Variants in SNX29 observed in about 807,000 individuals in gnomAD.
SNX29 encodes sorting nexin-29.
A neutral mutation model predicts 102.1 loss-of-function variants in SNX29; 78 were observed. The observed-to-expected ratio is 0.76, with a 90% CI of 0.64 to 0.92. The LOEUF (loss-of-function observed/expected upper bound fraction) is 0.92, where lower values mean the gene tolerates loss of function less well. Among genes scored for constraint, SNX29 ranks in the 40% least tolerant of loss-of-function variants. The probability of loss-of-function intolerance (pLI) is 0.00; values close to 1 mark genes in which losing one functional copy is unlikely to be tolerated. For missense variants in SNX29, 1,280 were observed against 1,061.7 expected (o/e 1.21, Z -2.86); for synonymous variants, 580 against 414.5 (o/e 1.40, Z -4.85).
At chr16:12,503,497 T>C (rs2089223879) in intron 19 of SNX29, among the ~76,000 whole-genome samples, 1 of 151,966 alleles carries the variant, frequency 6.6e-6, no homozygotes, top group Non-Finnish European at 1.5e-5. Flanking sequence ...ACCAGAACAA[T>C]AAGTGGGGGA....
chr16:12,496,317 T>C (rs572562429), intron 19 of SNX29, among the ~76,000 whole-genome samples: 75 of 152,188 alleles, frequency 4.9e-4, no homozygotes, highest in Middle Eastern at 3.4e-3. Flanking sequence ...TGATGATAAG[T>C]ACGATAAACC....
At chr16:12,274,179 C>G (rs1452878783) in intron 14 of SNX29, among the ~76,000 whole-genome samples, 1 of 152,190 alleles carries the variant, frequency 6.6e-6, no homozygotes, top group Non-Finnish European at 1.5e-5. Flanking sequence ...CGTGGCTTGC[C>G]TGGGTGTATA....
intron 15 of SNX29, among the ~76,000 whole-genome samples, chr16:12,338,859 A>G (rs1229543089): frequency 6.6e-6 from 1 of 152,220 alleles, no homozygotes; most frequent in Non-Finnish European, 1.5e-5. Flanking sequence ...GTTGAAAGAA[A>G]CATGTTTAAC....
chr16:11,985,096 A>G (rs1305553650), intron 1 of SNX29, among the ~76,000 whole-genome samples: 2 of 151,156 alleles, frequency 1.3e-5, no homozygotes, highest in Non-Finnish European at 2.9e-5. Context: ...ATCACTTTTG[A>G]TTCCTTTTTT....
chr16:12,282,796 C>T (rs1457546827), intron 15 of SNX29, among the ~76,000 whole-genome samples: 2 of 152,214 alleles, frequency 1.3e-5, no homozygotes, highest in Non-Finnish European at 2.9e-5. Context: ...GCTGGAATTA[C>T]AGGTGCCCAC....
At chr16:12,230,529 A>G (rs2077736908) in intron 14 of SNX29, among the ~76,000 whole-genome samples, 1 of 152,236 alleles carries the variant, frequency 6.6e-6, no homozygotes, top group African/African-American at 2.4e-5. Flanking sequence ...TCTTGCCTAA[A>G]TACTGGAAGG....
intron 15 of SNX29, among the ~76,000 whole-genome samples, chr16:12,315,468 C>A (rs190323143): frequency 6.6e-6 from 1 of 152,200 alleles, no homozygotes; most frequent in East Asian, 1.9e-4. Context: ...TGTGTTGCCC[C>A]CATCATTTAC....
intron 11 of SNX29, among the ~76,000 whole-genome samples, chr16:12,083,028 G>A (rs560272940): frequency 2.6e-5 from 4 of 152,192 alleles, no homozygotes; most frequent in South Asian, 2.1e-4. Context: ...TCTCGGCCGG[G>A]CACGGTGGCT....
chr16:12,352,714 T>G (rs934766018), intron 15 of SNX29, among the ~76,000 whole-genome samples: 1 of 152,204 alleles, frequency 6.6e-6, no homozygotes, highest in African/African-American at 2.4e-5. Flanking sequence ...CTTGGGCCTT[T>G]TGGAGAATCA....
chr16:11,988,295 A>G lies in SNX29; in HGVS notation c.8-11002A>G, dbSNP rs923246255. 6.5e-5 allele frequency among the ~76,000 whole-genome samples: 5 copies of G among 77,086 alleles called. No individual in the cohort carries two copies. The East Asian group carries it at 4.0e-3, about 62-fold the overall frequency. The allele number at this position is 77,086 out of a possible 152,430, so 50.6% of individuals were successfully genotyped here. A position where few individuals can be genotyped will look rare whatever the true frequency, so the allele number is the denominator to read the frequency against. On this transcript the variant is annotated intron_variant, in intron 1 of 20. Coordinates refer to ENST00000566228, the MANE Select transcript of SNX29 (RefSeq NM_032167.5). ...GGCGACAGAGTGCGACTCCATCTCAAAAAAAAAAAAAAAAAGTTTATTGGT... is the reference window on the plus strand; with the variant it reads ...GGCGACAGAGTGCGACTCCATCTCAGAAAAAAAAAAAAAAAGTTTATTGGT...
chr16:12,317,751 A>G (rs145662078), intron 15 of SNX29, among the ~76,000 whole-genome samples: 2 of 152,354 alleles, frequency 1.3e-5, no homozygotes, highest in African/African-American at 4.8e-5. Context: ...GAATTAAATG[A>G]ACATTGTTAA....
chr16:12,008,098 C>T (rs2056518732), intron 3 of SNX29, among the ~76,000 whole-genome samples: 1 of 152,102 alleles, frequency 6.6e-6, no homozygotes, highest in African/African-American at 2.4e-5. Context: ...CGCCCGCCAC[C>T]ATGCCCAGCT....
chr16:12,559,569 C>T (rs750061160), intron 20 of SNX29, among the ~76,000 whole-genome samples: 1 of 151,922 alleles, frequency 6.6e-6, no homozygotes, highest in African/African-American at 2.4e-5. Context: ...TTTTCTTATA[C>T]ATAACTCATC....
intron 15 of SNX29, among the ~76,000 whole-genome samples, chr16:12,335,702 G>A (rs2081426604): frequency 6.6e-6 from 1 of 151,972 alleles, no homozygotes. Flanking sequence ...GAAGCTGGTG[G>A]TCATGATGAG....
chr16:12,169,362 C>G (rs1404572239), intron 13 of SNX29, among the ~76,000 whole-genome samples: 3 of 152,148 alleles, frequency 2.0e-5, no homozygotes, highest in Non-Finnish European at 4.4e-5. Context: ...AAATGTAGCT[C>G]TCGTGGGTGG....
At chr16:12,434,406 A>G (rs1009543829) in intron 18 of SNX29, among the ~76,000 whole-genome samples, 1 of 152,114 alleles carries the variant, frequency 6.6e-6, no homozygotes, top group Non-Finnish European at 1.5e-5. Context: ...ACTGCAAAGC[A>G]GGGTGTTTGG....
At chr16:12,002,547 C>T (rs948940582) in intron 2 of SNX29, among the ~76,000 whole-genome samples, 2 of 151,950 alleles carry the variant, frequency 1.3e-5, no homozygotes, top group Non-Finnish European at 1.5e-5. Context: ...TTGATTTGTG[C>T]TGTTGTAACG....
At chr16:12,242,644 T>A (rs2078145075) in intron 14 of SNX29, among the ~76,000 whole-genome samples, 3 of 151,300 alleles carry the variant, frequency 2.0e-5, no homozygotes, top group Admixed American at 2.0e-4. Flanking sequence ...CTTCTTTTCT[T>A]CTTGTCTTCT....
chr16:12,262,743 T>C (rs2078814610), intron 14 of SNX29, among the ~76,000 whole-genome samples: 1 of 152,194 alleles, frequency 6.6e-6, no homozygotes, highest in Non-Finnish European at 1.5e-5. Flanking sequence ...ACTTAGGCAT[T>C]TGAATTGTTT....
Sources: gnomAD v4.1 joint callset for allele counts (sites outside exome capture counted in the v4.1 genomes callset) on GRCh38, gnomAD v4.1.1 for gene constraint, MANE v1.5 for transcripts, NCBI Gene and HGNC (gene_info 2026-07-23, HGNC 2026-07-21) for gene names.